Variants in CSMD2 observed in about 807,000 individuals in gnomAD.
CSMD2 encodes the protein CUB and sushi domain-containing protein 2.
A neutral mutation model predicts 398.5 loss-of-function variants in CSMD2; 130 were observed. That is an observed-to-expected ratio of 0.33 (90% CI 0.28 to 0.38). The LOEUF (loss-of-function observed/expected upper bound fraction) is 0.38. Among genes scored for constraint, CSMD2 ranks in the 10% least tolerant of loss-of-function variants. The pLI is 1.00. For synonymous variants in CSMD2, 1,828 were observed against 1,908.5 expected (o/e 0.96, Z 1.10); for missense variants, 3,829 against 4,764.9 (o/e 0.80, Z 5.78).
chr1:34,018,740 C>G (rs182493804), intron 3 of CSMD2, among the ~76,000 whole-genome samples: 1 of 152,342 alleles, frequency 6.6e-6, no homozygotes, highest in Non-Finnish European at 1.5e-5. Context: ...GTTCATTATA[C>G]AATGCAGAGG....
At chr1:34,040,518 G>C (rs946395034) in intron 2 of CSMD2, among the ~76,000 whole-genome samples, 1 of 152,236 alleles carries the variant, frequency 6.6e-6, no homozygotes, top group Non-Finnish European at 1.5e-5. Flanking sequence ...CACCCCAAGA[G>C]CCATGGCTGA....
At chr1:33,557,180 C>G (rs904680937) in intron 55 of CSMD2, among the ~76,000 whole-genome samples, 1 of 152,166 alleles carries the variant, frequency 6.6e-6, no homozygotes, top group Non-Finnish European at 1.5e-5. Context: ...CCTCTAATAA[C>G]CCTATGGAAT....
intron 4 of CSMD2, 72 bp downstream of exon 4, chr1:33,935,688 A>G: frequency 6.9e-7 from 1 of 1,447,454 alleles, no homozygotes; most frequent in Non-Finnish European, 9.3e-7. Context: ...TTGAGACTGG[A>G]TGTCACTGGA....
At chr1:33,726,903 A>G (rs1646553192) in intron 15 of CSMD2, among the ~76,000 whole-genome samples, 2 of 152,206 alleles carry the variant, frequency 1.3e-5, no homozygotes, top group Admixed American at 1.3e-4. Flanking sequence ...GGAGAAATGA[A>G]AAGAATCCTT....
chr1:33,725,872 C>G (rs1286510661), intron 16 of CSMD2, among the ~76,000 whole-genome samples: 1 of 151,572 alleles, frequency 6.6e-6, no homozygotes, highest in Non-Finnish European at 1.5e-5. Flanking sequence ...AGGGCCAGAT[C>G]TGGTCTATAG....
chr1:33,856,383 C>T (rs1162687222), intron 5 of CSMD2, among the ~76,000 whole-genome samples: 1 of 152,194 alleles, frequency 6.6e-6, no homozygotes, highest in Non-Finnish European at 1.5e-5. Context: ...CTCTGGGGAA[C>T]CCCAGCCTGG....
Position 33,523,388 on chromosome 1 carries a change from T to C in CSMD2, c.10428A>G (p.Leu3476=), listed in dbSNP as rs748502931. 6.4e-7 allele frequency: 1 copy of C among 1,572,848 alleles called. No individual in the cohort carries two copies. The highest frequency in any genetic ancestry group is 1.1e-5 in the South Asian group (1 of 88,878). The change falls in exon 67 of 71, where the codon CTA becomes CTG. Residue 3476 remains leucine, a synonymous_variant. Coordinates refer to ENST00000373381, the MANE Select transcript of CSMD2 (RefSeq NM_001281956.2). ...GCCCTGTAATCTGGTACACCTGGAG[T>C]AGGAGATGAAAATCTTCTTTCTTGT... is the stretch of plus-strand genomic sequence containing the variant. ...GTYKKEDFHL[L]LQVYQITGPV...
intron 27 of CSMD2, among the ~76,000 whole-genome samples, chr1:33,657,311 C>A (rs1402574587): frequency 6.6e-6 from 1 of 152,092 alleles, no homozygotes; most frequent in African/African-American, 2.4e-5. Flanking sequence ...ACAACAACAA[C>A]AAAAATACAA....
At chr1:33,806,138 T>C (rs569583848) in intron 10 of CSMD2, among the ~76,000 whole-genome samples, 65 of 152,194 alleles carry the variant, frequency 4.3e-4, no homozygotes, top group Non-Finnish European at 8.4e-4. Flanking sequence ...AAGAGTTGGG[T>C]TAGTTAAATC....
At chr1:33,591,395 T>C (rs760778032) in intron 44 of CSMD2, among the ~76,000 whole-genome samples, 7 of 152,226 alleles carry the variant, frequency 4.6e-5, no homozygotes, top group Admixed American at 1.3e-4. Context: ...CTGGGGTCCA[T>C]GCCCAGCTAA....
chr1:33,999,209 T>C (rs920521840), intron 3 of CSMD2, among the ~76,000 whole-genome samples: 1 of 152,108 alleles, frequency 6.6e-6, no homozygotes, highest in Non-Finnish European at 1.5e-5. Flanking sequence ...GGGCTAAATC[T>C]ACAAGACTGC....
intron 29 of CSMD2, among the ~76,000 whole-genome samples, chr1:33,639,695 TCAA>T (rs1643002108): frequency 1.3e-5 from 2 of 152,092 alleles, no homozygotes; most frequent in South Asian, 4.1e-4. Context: ...GCTTGGAAAA[TCAA>T]CAACCACATC....
chr1:34,142,878 A>G (rs895854153), intron 1 of CSMD2, among the ~76,000 whole-genome samples: 2 of 152,196 alleles, frequency 1.3e-5, no homozygotes, highest in African/African-American at 2.4e-5. Context: ...TGATATTATC[A>G]GTGCTATTAT....
At chr1:33,868,296 A>C (rs1039707954) in intron 5 of CSMD2, among the ~76,000 whole-genome samples, 1 of 152,140 alleles carries the variant, frequency 6.6e-6, no homozygotes, top group African/African-American at 2.4e-5. Flanking sequence ...TTCTGTGTTC[A>C]TGTAGTCATT....
At chr1:33,873,754 G>A (rs774494465) in intron 5 of CSMD2, 16 of 152,178 alleles carry the variant, frequency 1.1e-4, no homozygotes, top group South Asian at 2.1e-4. Context: ...ATTAAGCTAC[G>A]CTTACATTCC....
chr1:33,559,212 A>C lies in CSMD2; in HGVS notation c.8554+88T>G. The C allele has an allele frequency of 8.2e-7, 1 of 1,217,152 alleles. No individual in the cohort carries two copies. Among genetic ancestry groups the C allele is most frequent in the Non-Finnish European group, 1.1e-6 (1 of 878,002 alleles). 75.4% of individuals were successfully genotyped at this position (1,217,152 alleles called of 1,614,324 possible). On this transcript the variant is annotated intron_variant, in intron 54 of 70. Coordinates refer to ENST00000373381, the MANE Select transcript of CSMD2 (RefSeq NM_001281956.2). The surrounding 1 kb of genome is among the most constrained non-coding windows in gnomAD (Gnocchi z 4.0). The stretch of plus-strand genomic sequence containing the variant: ...CTATCTGGATCAGAATGATGCCAGA[A>C]TGAATTCACTGGCTTCTTTTTCTGA...
intron 3 of CSMD2, among the ~76,000 whole-genome samples, chr1:34,016,924 T>C (rs924633964): frequency 1.3e-5 from 2 of 151,618 alleles, no homozygotes; most frequent in Non-Finnish European, 3.0e-5. Context: ...TATTTCACAG[T>C]TTTTTTTCAC....
chr1:34,044,966 C>T (rs1652310300), intron 2 of CSMD2, among the ~76,000 whole-genome samples: 1 of 151,766 alleles, frequency 6.6e-6, no homozygotes, highest in Admixed American at 6.6e-5. Flanking sequence ...AAGCTAAAAA[C>T]AGAACTATCA....
intron 1 of CSMD2, among the ~76,000 whole-genome samples, chr1:34,158,452 G>A (rs1002976478): frequency 6.6e-6 from 1 of 152,168 alleles, no homozygotes; most frequent in South Asian, 2.1e-4. Flanking sequence ...TCTCGAGGTA[G>A]AGGGTTCTCC....
Sources: gnomAD v4.1 joint callset for allele counts (sites outside exome capture counted in the v4.1 genomes callset) on GRCh38, gnomAD v4.1.1 for gene constraint, Gnocchi (gnomAD v3.1) non-coding constraint, MANE v1.5 for transcripts, NCBI Gene and HGNC (gene_info 2026-07-23, HGNC 2026-07-21) for gene names.